Variants in DLG2 observed in about 807,000 individuals in gnomAD.
DLG2 encodes discs large MAGUK scaffold protein 2, also known as disks large homolog 2.
A neutral mutation model predicts 132.5 loss-of-function variants in DLG2; 45 were observed. That is an observed-to-expected ratio of 0.34 (90% CI 0.27 to 0.44). The LOEUF (loss-of-function observed/expected upper bound fraction) is 0.44, where lower values mean the gene tolerates loss of function less well. Among genes scored for constraint, DLG2 ranks in the 20% least tolerant of loss-of-function variants. The probability of loss-of-function intolerance (pLI) is 1.00; values close to 1 mark genes in which losing one functional copy is unlikely to be tolerated. For missense variants in DLG2, 1,045 were observed against 1,196.9 expected (o/e 0.87, Z 1.87); for synonymous variants, 424 against 419.6 (o/e 1.01, Z -0.13).
intron 7 of DLG2, among the ~76,000 whole-genome samples, chr11:84,354,679 T>C (rs1296874669): frequency 6.6e-6 from 1 of 152,140 alleles, no homozygotes; most frequent in East Asian, 1.9e-4. Context: ...GATCTACCAC[T>C]TTACATCACA....
intron 3 of DLG2, among the ~76,000 whole-genome samples, chr11:85,588,211 G>T (rs2079089212): frequency 6.6e-6 from 1 of 152,130 alleles, no homozygotes; most frequent in Admixed American, 6.6e-5. Flanking sequence ...AATTTACCAG[G>T]TGTTTTTTGA....
chr11:85,474,744 T>C (rs1450951219), intron 3 of DLG2, among the ~76,000 whole-genome samples: 2 of 151,734 alleles, frequency 1.3e-5, no homozygotes, highest in African/African-American at 4.8e-5. Flanking sequence ...ATTTTAATTT[T>C]AGTTTTAATT....
At chr11:84,457,466 C>T (rs1160724968) in intron 7 of DLG2, among the ~76,000 whole-genome samples, 1 of 151,016 alleles carries the variant, frequency 6.6e-6, no homozygotes, top group Non-Finnish European at 1.5e-5. Context: ...CAGTATATTA[C>T]AAAGTGCTAA....
intron 19 of DLG2, among the ~76,000 whole-genome samples, chr11:83,600,081 A>G (rs1397714975): frequency 1.3e-5 from 2 of 152,230 alleles, no homozygotes; most frequent in Non-Finnish European, 2.9e-5. Flanking sequence ...TGGGCCAGAA[A>G]CTGAGAACAT....
intron 3 of DLG2, among the ~76,000 whole-genome samples, chr11:85,578,343 T>C (rs1026840638): frequency 1.3e-5 from 2 of 152,166 alleles, no homozygotes; most frequent in African/African-American, 4.8e-5. Context: ...AAATAATTCA[T>C]GATAAAGATG....
Position 85,073,349 on chromosome 11 carries a change from T to C in DLG2, c.357+38312A>G, listed in dbSNP as rs1231912736. On this transcript the variant is annotated intron_variant, in intron 6 of 27. Transcript: ENST00000376104. ...AAATGGCACAGAGAAAGAAGGCTTGTGCCATGGTAGTGGCTGAATAACCTT... is the reference window on the plus strand; with the variant it reads ...AAATGGCACAGAGAAAGAAGGCTTGCGCCATGGTAGTGGCTGAATAACCTT... Among the ~76,000 whole-genome samples, 9 of 151,866 alleles carry C rather than the reference T, an allele frequency of 5.9e-5. No homozygotes were observed. The East Asian group carries it at 1.7e-3, about 29-fold the overall frequency.
At chr11:85,493,165 G>C (rs147714431) in intron 3 of DLG2, among the ~76,000 whole-genome samples, 2,025 of 152,272 alleles carry the variant, frequency 0.013, 52 homozygotes, top group African/African-American at 0.046. Flanking sequence ...AAGTACCCAG[G>C]AAGGTTTATA....
intron 20 of DLG2, 77 bp from the exon 21 acceptor site, chr11:83,532,860 T>C (rs922910276): frequency 6.8e-5 from 83 of 1,213,412 alleles, no homozygotes; most frequent in Non-Finnish European, 8.7e-5. Context: ...GTGAAGAACA[T>C]TTTTTCCTCC....
chr11:83,498,713 A>T (rs1397187941), intron 21 of DLG2, among the ~76,000 whole-genome samples: 1 of 151,578 alleles, frequency 6.6e-6, no homozygotes, highest in Non-Finnish European at 1.5e-5. Flanking sequence ...AACAGAAATT[A>T]ATGAAACAGA....
At chr11:85,468,771 A>C (rs1037100580) in intron 3 of DLG2, among the ~76,000 whole-genome samples, 3 of 152,222 alleles carry the variant, frequency 2.0e-5, no homozygotes, top group Non-Finnish European at 1.5e-5. Flanking sequence ...TGTGGTGCTG[A>C]AAAGAATGTA....
intron 18 of DLG2, among the ~76,000 whole-genome samples, chr11:83,664,281 G>T (rs2075038221): frequency 6.6e-6 from 1 of 152,156 alleles, no homozygotes; most frequent in African/African-American, 2.4e-5. Context: ...ATACTTAAAA[G>T]CATGTTTTTT....
intron 5 of DLG2, among the ~76,000 whole-genome samples, chr11:85,146,590 C>A (rs2076878044): frequency 6.6e-6 from 1 of 152,064 alleles, no homozygotes; most frequent in African/African-American, 2.4e-5. Context: ...TTTACCGTGG[C>A]TGAGCTGGTA....
chr11:83,571,220 T>G lies in DLG2; in HGVS notation c.1941-29362A>C, dbSNP rs1009550609. ...AAATAAATATGGGTTTTTTTCTTTT[T>G]GAAATACATTTGTTTTGTTTATTCA... On this transcript the variant is annotated intron_variant, in intron 19 of 27. Transcript: ENST00000376104. Among the ~76,000 whole-genome samples, 4 of 152,148 alleles carry G rather than the reference T, an allele frequency of 2.6e-5. No homozygotes were observed. In the South Asian group the frequency reaches 8.3e-4, roughly 32 times the overall value.
chr11:84,773,601 T>A (rs999093334), intron 6 of DLG2, among the ~76,000 whole-genome samples: 1 of 152,188 alleles, frequency 6.6e-6, no homozygotes, highest in Non-Finnish European at 1.5e-5. Flanking sequence ...ATTCCTGGGA[T>A]GCAAAGTTGG....
chr11:84,812,117 G>C (rs889380556), intron 6 of DLG2, among the ~76,000 whole-genome samples: 4 of 152,218 alleles, frequency 2.6e-5, no homozygotes, highest in African/African-American at 7.2e-5. Context: ...GCATGATCCA[G>C]ACAAATATGA....
chr11:84,561,552 G>C (rs536212264), intron 6 of DLG2, among the ~76,000 whole-genome samples: 45 of 152,082 alleles, frequency 3.0e-4, no homozygotes, highest in African/African-American at 1.1e-3. Flanking sequence ...TCTTCTTAAG[G>C]AGGAGACTAT....
intron 16 of DLG2, among the ~76,000 whole-genome samples, chr11:83,849,998 G>C (rs12280521): frequency 2.0e-5 from 3 of 151,852 alleles, no homozygotes; most frequent in African/African-American, 7.3e-5. Context: ...TGTGCTTGGC[G>C]CTGGAAATAT....
chr11:84,564,738 G>GTA (rs1459888550), intron 6 of DLG2, among the ~76,000 whole-genome samples: 1 of 152,124 alleles, frequency 6.6e-6, no homozygotes, highest in Non-Finnish European at 1.5e-5. Flanking sequence ...TCTCCTAAGA[G>GTA]TATGATTCAG....
intron 6 of DLG2, among the ~76,000 whole-genome samples, chr11:84,633,108 A>G (rs1313849165): frequency 1.3e-5 from 2 of 152,230 alleles, no homozygotes; most frequent in South Asian, 2.1e-4. Context: ...TAATGTAGCC[A>G]TTTAGAGAAA....
Sources: allele counts gnomAD v4.1 joint callset (sites outside exome capture counted in the v4.1 genomes callset), GRCh38; gene constraint gnomAD v4.1.1; transcripts MANE v1.5; gene names NCBI Gene and HGNC (gene_info 2026-07-23, HGNC 2026-07-21).